WDPCP: variants seen among roughly 807,000 people sequenced by gnomAD.
WDPCP encodes WD repeat-containing and planar cell polarity effector protein fritz homolog.
Under a neutral mutation model 93.1 loss-of-function variants are expected in WDPCP, and 71 were observed. That is an observed-to-expected ratio of 0.76 (90% confidence interval 0.63 to 0.93). WDPCP has a LOEUF of 0.93. Among genes scored for constraint, WDPCP ranks in the 40% least tolerant of loss-of-function variants. The pLI, the probability that WDPCP is intolerant of heterozygous loss-of-function variation, is 0.00. For synonymous variants in WDPCP, 315 were observed against 315.0 expected (o/e 1.00, Z 0.00); for missense variants, 844 against 887.4 (o/e 0.95, Z 0.62).
At chr2:63,542,933 GAAAT>G (rs1704854043) in intron 1 of WDPCP, among the ~76,000 whole-genome samples, 1 of 151,862 alleles carries the variant, frequency 6.6e-6, no homozygotes, top group Non-Finnish European at 1.5e-5. Context: ...AACATATTCT[GAAAT>G]AAATGTGTAA....
intron 2 of WDPCP, among the ~76,000 whole-genome samples, chr2:63,661,433 G>T (rs140912319): frequency 6.6e-6 from 1 of 152,208 alleles, no homozygotes; most frequent in African/African-American, 2.4e-5. Context: ...CTTTTTGAAG[G>T]CTAGGACCAC....
intron 14 of WDPCP, among the ~76,000 whole-genome samples, chr2:63,230,352 T>G (rs1678746781): frequency 6.6e-6 from 1 of 152,148 alleles, no homozygotes; most frequent in South Asian, 2.1e-4. Context: ...ACATTTGGGT[T>G]GGTTCCAAGT....
intron 9 of WDPCP, among the ~76,000 whole-genome samples, chr2:63,405,664 G>A (rs1694520974): frequency 1.3e-5 from 2 of 151,480 alleles, no homozygotes; most frequent in South Asian, 4.2e-4. Context: ...TCCTGGTGGA[G>A]TAAAATTTTA....
intron 2 of WDPCP, among the ~76,000 whole-genome samples, chr2:63,666,064 A>T (rs1343102231): frequency 6.6e-6 from 1 of 152,220 alleles, no homozygotes; most frequent in Non-Finnish European, 1.5e-5. Context: ...TCAGGGTAGG[A>T]TATTTACACT....
chr2:63,369,092 G>T lies in WDPCP; in HGVS notation c.1748+9294C>A, dbSNP rs1180532122. 1.6e-5 allele frequency: 3 copies of T among 186,072 alleles called. No individual in the cohort carries two copies. In the South Asian group the frequency reaches 3.5e-4, roughly 22 times the overall value. The allele number at this position is 186,072 out of a possible 1,614,324, so 11.5% of individuals were successfully genotyped here. On this transcript the variant is annotated intron_variant, in intron 12 of 17. Coordinates refer to ENST00000272321, the MANE Select transcript of WDPCP (RefSeq NM_015910.7). ...TATGTATGCCCTTCACTACATAGTA[G>T]AAAAAAAAAAATCTTTGATTTTGAC...
intron 10 of WDPCP, among the ~76,000 whole-genome samples, chr2:63,395,921 G>A (rs1693691166): frequency 6.6e-6 from 1 of 152,126 alleles, no homozygotes; most frequent in East Asian, 1.9e-4. Flanking sequence ...GTACAGACAG[G>A]TTTCACCATG....
intron 14 of WDPCP, chr2:63,232,676 C>CTCTT (rs1414428202): frequency 1.3e-5 from 2 of 152,856 alleles, no homozygotes; most frequent in African/African-American, 4.8e-5. Flanking sequence ...TTGTCTTTTC[C>CTCTT]TCTTATGAAT....
At chr2:63,158,072 T>A (rs1405433923) in intron 15 of WDPCP, among the ~76,000 whole-genome samples, 1 of 152,190 alleles carries the variant, frequency 6.6e-6, no homozygotes, top group Non-Finnish European at 1.5e-5. Flanking sequence ...AGACCATCTC[T>A]TTGACCTAGG....
At chr2:63,622,731 A>C in intron 3 of WDPCP, 1 of 1,613,366 alleles carries the variant, frequency 6.2e-7, no homozygotes, top group South Asian at 1.1e-5. Flanking sequence ...TTCCGTCAAG[A>C]CATGTTTGCT....
At chr2:63,181,078 G>GTTGT (rs1313443867) in intron 14 of WDPCP, among the ~76,000 whole-genome samples, 2 of 151,942 alleles carry the variant, frequency 1.3e-5, no homozygotes, top group East Asian at 1.9e-4. Flanking sequence ...TTGTTGTTGA[G>GTTGT]TTGTTTGAGT....
At chr2:63,598,349 G>A (rs1434241869) in intron 3 of WDPCP, among the ~76,000 whole-genome samples, 9 of 152,040 alleles carry the variant, frequency 5.9e-5, no homozygotes, top group South Asian at 2.1e-4. Context: ...GGCTGGTCTC[G>A]AACTCCTGAC....
chr2:63,138,836 T>G (rs1359410360), intron 17 of WDPCP, among the ~76,000 whole-genome samples: 6 of 152,042 alleles, frequency 3.9e-5, no homozygotes, highest in Non-Finnish European at 7.4e-5. Context: ...TTAGTACTCT[T>G]TTATCCCTCA....
At chr2:63,704,416 G>A (rs1669114866) in intron 2 of WDPCP, among the ~76,000 whole-genome samples, 1 of 152,154 alleles carries the variant, frequency 6.6e-6, no homozygotes, top group Non-Finnish European at 1.5e-5. Flanking sequence ...TGCCCATTCA[G>A]TATGATATTG....
chr2:63,774,513 C>T (rs1670273840), intron 2 of WDPCP, among the ~76,000 whole-genome samples: 1 of 152,112 alleles, frequency 6.6e-6, no homozygotes, highest in South Asian at 2.1e-4. Context: ...ATCTTTATAT[C>T]CAGCCACCTC....
chr2:63,153,247 T>C, intron 16 of WDPCP: 1 of 563,270 alleles, frequency 1.8e-6, no homozygotes, highest in Non-Finnish European at 3.1e-6. Context: ...CCAGCCCAGA[T>C]CTACTGAATC....
At chr2:63,434,884 T>C (rs1345426571) in intron 8 of WDPCP, among the ~76,000 whole-genome samples, 3 of 152,128 alleles carry the variant, frequency 2.0e-5, no homozygotes, top group Admixed American at 2.0e-4. Flanking sequence ...GCAACGGGTG[T>C]TAAGAACCCG....
chr2:63,342,273 G>A (rs189641238), intron 12 of WDPCP, among the ~76,000 whole-genome samples: 195 of 152,222 alleles, frequency 1.3e-3, no homozygotes, highest in African/African-American at 4.1e-3. Flanking sequence ...TGGGGATTGG[G>A]GACCCTAACC....
intron 17 of WDPCP, among the ~76,000 whole-genome samples, chr2:63,136,425 T>C (rs1670623771): frequency 6.6e-6 from 1 of 152,140 alleles, no homozygotes. Context: ...AGAGACAATC[T>C]ATTATAATAT....
At chr2:63,258,193 G>GTGAT (rs1239029909) in intron 14 of WDPCP, among the ~76,000 whole-genome samples, 1 of 152,168 alleles carries the variant, frequency 6.6e-6, no homozygotes, top group Non-Finnish European at 1.5e-5. Flanking sequence ...ACAAGATATA[G>GTGAT]TGATAGGTCA....
Sources: allele counts gnomAD v4.1 joint callset (sites outside exome capture counted in the v4.1 genomes callset), GRCh38; gene constraint gnomAD v4.1.1; transcripts MANE v1.5; gene names NCBI Gene and HGNC (gene_info 2026-07-23, HGNC 2026-07-21).